The following PDLIM1 variants were observed in gnomAD, a reference collection of about 807,000 sequenced individuals.
PDLIM1 encodes PDZ and LIM domain 1, also known as PDZ and LIM domain protein 1.
A neutral mutation model predicts 35.2 loss-of-function variants in PDLIM1; 25 were observed. That is an observed-to-expected ratio of 0.71 (90% CI 0.52 to 0.99). The LOEUF (loss-of-function observed/expected upper bound fraction) is 0.99. PDLIM1 is among the 50% of genes least tolerant of loss of function. The pLI, the probability that PDLIM1 is intolerant of heterozygous loss-of-function variation, is 0.00. For synonymous variants in PDLIM1, 152 were observed against 154.0 expected (o/e 0.99, Z 0.10); for missense variants, 363 against 415.3 (o/e 0.87, Z 1.09).
At chr10:95,275,842 G>A (rs937408300) in intron 1 of PDLIM1, among the ~76,000 whole-genome samples, 1 of 152,062 alleles carries the variant, frequency 6.6e-6, no homozygotes, top group African/African-American at 2.4e-5. Flanking sequence ...GGCGCCCCAA[G>A]CCTGAGTAAT....
At chr10:95,269,195 G>A (rs775013147) in intron 2 of PDLIM1, among the ~76,000 whole-genome samples, 1 of 152,184 alleles carries the variant, frequency 6.6e-6, no homozygotes, top group South Asian at 2.1e-4. Context: ...GATAGAATGG[G>A]CTTCTCCTCT....
chr10:95,261,834 C>G (rs1191188768), intron 4 of PDLIM1, among the ~76,000 whole-genome samples: 2 of 152,076 alleles, frequency 1.3e-5, no homozygotes, highest in Admixed American at 1.3e-4. Flanking sequence ...CATGGAGAAA[C>G]CCCATCTATA....
At chr10:95,286,966 T>C (rs1261200058) in intron 1 of PDLIM1, among the ~76,000 whole-genome samples, 3 of 152,192 alleles carry the variant, frequency 2.0e-5, no homozygotes, top group African/African-American at 7.2e-5. Context: ...CTCTCAGTCA[T>C]CTACCTGGCT....
intron 5 of PDLIM1, among the ~76,000 whole-genome samples, chr10:95,245,847 G>A (rs980078124): frequency 3.3e-5 from 5 of 152,146 alleles, no homozygotes; most frequent in African/African-American, 7.2e-5. Flanking sequence ...CCCAGGTGTC[G>A]GGTGTGTTCA....
chr10:95,241,157 T>C (rs1258309509), intron 5 of PDLIM1, among the ~76,000 whole-genome samples: 1 of 152,204 alleles, frequency 6.6e-6, no homozygotes, highest in African/African-American at 2.4e-5. Context: ...GCCTTAGCTC[T>C]CTTGTTCTTT....
At chr10:95,271,491 C>T (rs2035464676) in intron 2 of PDLIM1, 142 bp downstream of exon 2, 1 of 567,428 alleles carries the variant, frequency 1.8e-6, no homozygotes, top group Non-Finnish European at 2.9e-6. Context: ...GTTCAAATTC[C>T]ACAGACCTTT....
chr10:95,263,811 T>G, intron 4 of PDLIM1, 53 bp downstream of exon 4: 1 of 1,434,348 alleles, frequency 7.0e-7, no homozygotes, highest in Non-Finnish European at 9.6e-7. Flanking sequence ...CTGGTCCTGA[T>G]GTGAAAAGCC....
At chr10:95,258,208 C>T (rs2035332854) in intron 4 of PDLIM1, among the ~76,000 whole-genome samples, 1 of 151,718 alleles carries the variant, frequency 6.6e-6, no homozygotes, top group Non-Finnish European at 1.5e-5. Flanking sequence ...GTCCCTCCCA[C>T]AACACGTGGA....
intron 5 of PDLIM1, among the ~76,000 whole-genome samples, chr10:95,239,010 AAGAACAG>A (rs1401470329): frequency 6.9e-6 from 1 of 144,324 alleles, no homozygotes; most frequent in African/African-American, 2.5e-5. Flanking sequence ...GTACTGGTAG[AAGAACAG>A]AGAACAGAGA....
intron 4 of PDLIM1, among the ~76,000 whole-genome samples, chr10:95,256,986 A>AAAAAAAGAAAG (rs1554832103): frequency 1.6e-5 from 1 of 61,658 alleles, no homozygotes; most frequent in African/African-American, 6.7e-5. Context: ...AAAAAAAAAA[A>AAAAAAAGAAAG]AAAGAAAGAA....
chr10:95,246,721 C>A (rs906132712), intron 5 of PDLIM1, among the ~76,000 whole-genome samples: 2 of 152,092 alleles, frequency 1.3e-5, no homozygotes, highest in Non-Finnish European at 2.9e-5. Context: ...AGCTCTTGGG[C>A]CCTCAAGAGG....
At chr10:95,244,023 T>C (rs2035198840) in intron 5 of PDLIM1, among the ~76,000 whole-genome samples, 1 of 152,212 alleles carries the variant, frequency 6.6e-6, no homozygotes, top group African/African-American at 2.4e-5. Flanking sequence ...TATGGATGGA[T>C]GGTGGTGATA....
chr10:95,247,170 T>G, intron 5 of PDLIM1, 45 bp downstream of exon 5: 1 of 1,572,852 alleles, frequency 6.4e-7, no homozygotes, highest in Non-Finnish European at 8.7e-7. Flanking sequence ...GACTCTCACA[T>G]CTGACCTTGA....
In PDLIM1 at chr10:95,266,691, A is replaced by C. The variant is rs566957491; in HGVS notation, c.333+2087T>G. Among the ~76,000 whole-genome samples the C allele has an allele frequency of 2.0e-5, 3 of 152,352 alleles. No individual in the cohort carries two copies. In the East Asian group the frequency reaches 5.8e-4, roughly 29 times the overall value. ...CCTCCACCGAAACACATTTCCAATT[A>C]GAATGGAAGTCAATGGAAAATTCAG... On this transcript the variant is annotated intron_variant, in intron 3 of 6. Transcript: ENST00000329399.
chr10:95,269,214 C>G (rs549905070), intron 2 of PDLIM1, among the ~76,000 whole-genome samples: 3 of 152,296 alleles, frequency 2.0e-5, no homozygotes, highest in South Asian at 4.1e-4. Flanking sequence ...CTATCTCAAC[C>G]CAGTGTGTTT....
intron 1 of PDLIM1, among the ~76,000 whole-genome samples, chr10:95,280,109 C>T (rs2035548080): frequency 6.6e-6 from 1 of 152,204 alleles, no homozygotes; most frequent in Non-Finnish European, 1.5e-5. Flanking sequence ...GGCATGGTGG[C>T]TCACACCTGT....
At chr10:95,239,450 T>C (rs1404752819) in intron 5 of PDLIM1, among the ~76,000 whole-genome samples, 1 of 152,148 alleles carries the variant, frequency 6.6e-6, no homozygotes, top group Non-Finnish European at 1.5e-5. Flanking sequence ...AATCTATCCA[T>C]CTGACAAAGG....
rs1589515296 is a variant in PDLIM1 at position 95,268,764 on chromosome 10, G to A, written c.333+14C>T. On this transcript the variant is annotated intron_variant, in intron 3 of 6. Transcript: ENST00000329399. Reference sequence around the variant, plus strand: ...GGGTGGTGAGAGCAGCGGCAACGATGAGCAAGAACTTACCTGGGGTTCAGA... The same window carrying A: ...GGGTGGTGAGAGCAGCGGCAACGATAAGCAAGAACTTACCTGGGGTTCAGA... 2 of 1,564,994 alleles carry A rather than the reference G, an allele frequency of 1.3e-6. No homozygotes were observed. Among genetic ancestry groups the A allele is most frequent in the Non-Finnish European group, 1.8e-6 (2 of 1,135,206 alleles).
chr10:95,258,837 A>T (rs2035338025), intron 4 of PDLIM1, among the ~76,000 whole-genome samples: 1 of 152,204 alleles, frequency 6.6e-6, no homozygotes, highest in African/African-American at 2.4e-5. Flanking sequence ...ATAAAAAAAG[A>T]CAAACCCATA....
Sources: gnomAD v4.1 joint callset for allele counts (sites outside exome capture counted in the v4.1 genomes callset) on GRCh38, gnomAD v4.1.1 for gene constraint, MANE v1.5 for transcripts, NCBI Gene and HGNC (gene_info 2026-07-23, HGNC 2026-07-21) for gene names.